NOA1: variants seen among roughly 807,000 people sequenced by gnomAD.
NOA1 encodes the protein nitric oxide-associated protein 1.
In NOA1, 35 loss-of-function variants were observed where a neutral mutation model predicts 58.4. The ratio of observed to expected loss-of-function variants is 0.60; its 90% CI spans 0.46 to 0.79. The LOEUF (loss-of-function observed/expected upper bound fraction) is 0.79, where lower values mean the gene tolerates loss of function less well. Ranked by LOEUF, NOA1 falls within the 30% of genes least tolerant of loss-of-function variation. The probability of loss-of-function intolerance (pLI) is 0.00; values close to 1 mark genes in which losing one functional copy is unlikely to be tolerated. For missense variants in NOA1, 895 were observed against 894.6 expected (o/e 1.00, Z -0.01); for synonymous variants, 397 against 373.4 (o/e 1.06, Z -0.73).
intron 5 of NOA1, among the ~76,000 whole-genome samples, chr4:56,965,146 C>T (rs745984303): frequency 1.3e-5 from 2 of 151,892 alleles, no homozygotes; most frequent in South Asian, 2.1e-4. Flanking sequence ...ATTACAGGCG[C>T]GCACCACCAT....
Position 56,974,033 on chromosome 4 carries a change from C to G in NOA1, c.1145-11G>C, listed in dbSNP as rs1337895064. ...GGTTTAATGTAGTACCTGAAATACA[C>G]AGAATAAATACATCTTTACAAAAGG... is the stretch of plus-strand genomic sequence containing the variant. On this transcript the variant is annotated splice_polypyrimidine_tract_variant and intron_variant, in intron 1 of 6. Coordinates refer to ENST00000264230, the MANE Select transcript of NOA1 (RefSeq NM_032313.4). The G allele has an allele frequency of 6.3e-7, 1 of 1,597,060 alleles. No individual in the cohort carries two copies. Among genetic ancestry groups the G allele is most frequent in the Non-Finnish European group, 8.6e-7 (1 of 1,165,232 alleles).
chr4:56,964,890 G>C (rs922766277), intron 5 of NOA1, among the ~76,000 whole-genome samples: 22 of 152,194 alleles, frequency 1.4e-4, no homozygotes, highest in Admixed American at 1.4e-3. Flanking sequence ...AGTTCTTATA[G>C]GTGTGGCCAT....
rs748346994 is a variant in NOA1 at position 56,976,950 on chromosome 4, G to A, written c.636C>T (p.Pro212=). The A allele has an allele frequency of 5.0e-6, 8 of 1,603,256 alleles. No individual in the cohort carries two copies. The South Asian group carries it at 6.6e-5, about 13-fold the overall frequency. The change falls in exon 1 of 7, where the codon CCC becomes CCT. Residue 212 remains proline (P), a synonymous_variant. Transcript: ENST00000264230. The part of the protein sequence containing the change: ...LELVSAALRR[P]GPSLVLYMVD... ...CCATGTAGAGCACCAGGGAGGGGCC[G>A]GGCCGCCGCAACGCGGCGCTCACCA...
rs756040659 is a variant in NOA1, at chr4:56,963,420, A to T, written c.*30T>A. ...CAATGTATTTTGTTGTGTTCAATAC[A>T]GTTAATATCTGGAGTGAACAAGGTC... is the stretch of plus-strand genomic sequence containing the variant. On this transcript the variant is annotated 3_prime_UTR_variant, in exon 7 of 7. Coordinates refer to ENST00000264230, the MANE Select transcript of NOA1 (RefSeq NM_032313.4). 6 of 1,522,268 alleles carry T rather than the reference A, an allele frequency of 3.9e-6. No individual in the cohort carries two copies. The highest frequency in any genetic ancestry group is 4.6e-6 in the Non-Finnish European group (5 of 1,097,002). The allele number at this position is 1,522,268 out of a possible 1,614,324, so 94.3% of individuals were successfully genotyped here.
At position 56,969,150 on chromosome 4, in the gene NOA1, C is replaced by T. The variant is rs78615876; in HGVS notation, c.1516-635G>A. On this transcript the variant is annotated intron_variant, in intron 3 of 6. Coordinates refer to ENST00000264230, the MANE Select transcript of NOA1 (RefSeq NM_032313.4). ...AATCCCTTCTAAGGATGACAAGTTC[C>T]TAGAGAGACTAGAGAAAAATAGAAA... Among the ~76,000 whole-genome samples the T allele has an allele frequency of 3.2e-4, 48 of 152,166 alleles. No homozygotes were observed. The East Asian group carries it at 9.1e-3, about 29-fold the overall frequency.
At chr4:56,970,531 T>G (rs1030387540) in intron 3 of NOA1, among the ~76,000 whole-genome samples, 1 of 151,630 alleles carries the variant, frequency 6.6e-6, no homozygotes, top group Non-Finnish European at 1.5e-5. Flanking sequence ...CTCGGCTCAC[T>G]GCAACCTCTG....
intron 2 of NOA1, 133 bp downstream of exon 2, chr4:56,973,725 C>A (rs995347926): frequency 2.3e-6 from 2 of 856,124 alleles, no homozygotes; most frequent in East Asian, 4.9e-5. Flanking sequence ...GCTAAAGGGC[C>A]TCTTTGTTGC....
rs756758028 is a variant in NOA1, at chr4:56,963,416, A to G, written c.*34T>C. On this transcript the variant is annotated 3_prime_UTR_variant, in exon 7 of 7. Coordinates refer to ENST00000264230, the MANE Select transcript of NOA1 (RefSeq NM_032313.4). Reference sequence around the variant, plus strand: ...AATTCAATGTATTTTGTTGTGTTCAATACAGTTAATATCTGGAGTGAACAA... The same window carrying G: ...AATTCAATGTATTTTGTTGTGTTCAGTACAGTTAATATCTGGAGTGAACAA... 13 of 1,492,836 alleles carry G rather than the reference A, an allele frequency of 8.7e-6. No individual in the cohort carries two copies. Among genetic ancestry groups the G allele is most frequent in the East Asian group, 6.8e-5 (3 of 44,302 alleles). The allele number at this position is 1,492,836 out of a possible 1,614,324, so 92.5% of individuals were successfully genotyped here. A position where few individuals can be genotyped will look rare whatever the true frequency, so the allele number is the denominator to read the frequency against.
chr4:56,976,663 G>C lies in NOA1; in HGVS notation c.923C>G (p.Thr308Arg). The C allele has an allele frequency of 1.2e-6, 2 of 1,613,928 alleles. No individual in the cohort carries two copies. The highest frequency in any genetic ancestry group is 2.2e-5 in the South Asian group (2 of 91,084). The change falls in exon 1 of 7, where the codon ACA becomes AGA. Residue 308 changes from threonine to arginine, a missense_variant. Coordinates refer to ENST00000264230, the MANE Select transcript of NOA1 (RefSeq NM_032313.4). Reference protein sequence around the residue: ...ENPNPPNWSRTVVRDVRLISA... With the variant: ...ENPNPPNWSRRVVRDVRLISA... ...GATCAGCCGCACGTCCCTGACCACT[G>C]TGCGGGACCAGTTCGGCGGATTCGG...
intron 2 of NOA1, 65 bp from the exon 3 acceptor site, chr4:56,973,418 T>G: frequency 7.6e-7 from 1 of 1,318,906 alleles, no homozygotes; most frequent in Non-Finnish European, 1.1e-6. Flanking sequence ...GACATAATTT[T>G]TATGTTTCCC....
intron 5 of NOA1, 70 bp downstream of exon 5, chr4:56,966,550 C>T: frequency 1.1e-6 from 1 of 895,768 alleles, no homozygotes; most frequent in South Asian, 1.5e-5. Context: ...CAAAGGCTTT[C>T]TTAACAGAGC....
chr4:56,963,602 C>T lies in NOA1; in HGVS notation c.1945G>A (p.Glu649Lys), dbSNP rs1212713621. ...GGCCGGACGGTCAAAACTGTTCCTT[C>T]AGGTGTATAGCCTCGGAGATGCAGT... ...DRLHLRGYTP[E>K]GTVLTVRPPL... Residue 649 changes from glutamate (E) to lysine (K), a missense_variant, in exon 7 of 7, where the codon GAA becomes AAA. Around this residue, in one of 3 missense-constraint regions of NOA1, gnomAD observed 212 missense variants for 221.3 expected, o/e 0.96. Transcript: ENST00000264230. The T allele has an allele frequency of 1.2e-6, 2 of 1,614,110 alleles. No homozygotes were observed. The highest frequency in any genetic ancestry group is 1.7e-6 in the Non-Finnish European group (2 of 1,180,028).
In NOA1 at chr4:56,976,933, A is replaced by T; in HGVS notation, c.653T>A (p.Leu218His). 6.2e-7 allele frequency: 1 copy of T among 1,607,794 alleles called. No individual in the cohort carries two copies. The highest frequency in any genetic ancestry group is 8.5e-7 in the Non-Finnish European group (1 of 1,178,584). Residue 218 changes from leucine (L) to histidine (H), a missense_variant, in exon 1 of 7, where the codon CTC becomes CAC. Leu to His is a moderately conservative substitution (Grantham distance 99). Around this residue, in one of 3 missense-constraint regions of NOA1, gnomAD observed 680 missense variants for 656.5 expected, o/e 1.04. Coordinates refer to ENST00000264230, the MANE Select transcript of NOA1 (RefSeq NM_032313.4). The part of the protein sequence containing the change: ...ALRRPGPSLV[L>H]YMVDLLDLPD... ...CAGGTCCAGCAGGTCCACCATGTAGAGCACCAGGGAGGGGCCGGGCCGCCG... is the reference window on the plus strand; with the variant it reads ...CAGGTCCAGCAGGTCCACCATGTAGTGCACCAGGGAGGGGCCGGGCCGCCG...
In NOA1 at chr4:56,973,931, A is replaced by G. The variant is rs1415242275; in HGVS notation, c.1236T>C (p.Thr412=). The G allele has an allele frequency of 1.9e-6, 3 of 1,613,960 alleles. No homozygotes were observed. The highest frequency in any genetic ancestry group is 3.3e-5 in the Admixed American group (2 of 59,984). ...KRHQRLKKDS[T]QAEEDLSEQE... Reference sequence around the variant, plus strand: ...GCTCACTAAGATCTTCTTCAGCTTGAGTTGAATCTTTTTTAAGTCTTTGAT... The same window carrying G: ...GCTCACTAAGATCTTCTTCAGCTTGGGTTGAATCTTTTTTAAGTCTTTGAT... Residue 412 remains threonine, a synonymous_variant, in exon 2 of 7, where the codon ACT becomes ACC. Coordinates refer to ENST00000264230, the MANE Select transcript of NOA1 (RefSeq NM_032313.4).
intron 3 of NOA1, among the ~76,000 whole-genome samples, chr4:56,969,315 G>A (rs1463917430): frequency 6.6e-6 from 1 of 152,250 alleles, no homozygotes; most frequent in Non-Finnish European, 1.5e-5. Flanking sequence ...GCTCACGCCT[G>A]TAATCCCAGC....
chr4:56,971,115 C>G (rs1357913961), intron 3 of NOA1, among the ~76,000 whole-genome samples: 3 of 152,012 alleles, frequency 2.0e-5, no homozygotes, highest in Non-Finnish European at 4.4e-5. Flanking sequence ...GGGTTTGAGA[C>G]CAGCCTGGCC....
intron 3 of NOA1, among the ~76,000 whole-genome samples, chr4:56,968,849 A>G (rs915118438): frequency 2.0e-5 from 3 of 152,248 alleles, no homozygotes; most frequent in African/African-American, 7.2e-5. Flanking sequence ...GATAGAAAAT[A>G]TATGCTCTCC....
intron 5 of NOA1, among the ~76,000 whole-genome samples, chr4:56,964,832 A>G (rs756507382): frequency 6.6e-6 from 1 of 152,140 alleles, no homozygotes; most frequent in Non-Finnish European, 1.5e-5. Context: ...ACAGGGCCTC[A>G]CATAGATTAA....
chr4:56,964,564 A>C, intron 5 of NOA1, 38 bp from the exon 6 acceptor site: 2 of 1,602,294 alleles, frequency 1.2e-6, no homozygotes. Flanking sequence ...GTTCAAATTA[A>C]ATTTCTTGGA....
Sources: gnomAD v4.1 joint callset for allele counts (sites outside exome capture counted in the v4.1 genomes callset) on GRCh38, gnomAD v4.1.1 for gene constraint, gnomAD v4.1.1 regional missense constraint, MANE v1.5 for transcripts, NCBI Gene and HGNC (gene_info 2026-07-23, HGNC 2026-07-21) for gene names.